The following STK40 variants were observed in gnomAD, a reference collection of about 807,000 sequenced individuals.
The protein encoded by STK40 is serine/threonine kinase 40, also known as serine/threonine-protein kinase 40.
A neutral mutation model predicts 47.9 loss-of-function variants in STK40; 13 were observed. The ratio of observed to expected loss-of-function variants is 0.27; its 90% CI spans 0.18 to 0.43. The LOEUF is 0.43. STK40 is among the 20% of genes least tolerant of loss of function. The pLI is 1.00. For missense variants in STK40, 460 were observed against 595.1 expected, an observed-to-expected ratio of 0.77 and a Z score of 2.36; for synonymous variants, 225 against 243.2, an observed-to-expected ratio of 0.93 and a Z score of 0.69.
chr1:36,348,589 A>G (rs1646724453), intron 7 of STK40, 111 bp downstream of exon 7: 1 of 913,518 alleles, frequency 1.1e-6, no homozygotes, highest in Admixed American at 2.0e-5. Context: ...CTGGGCCCCC[A>G]GTGAAGCCCC....
chr1:36,354,481 T>C, intron 5 of STK40, 65 bp from the exon 6 acceptor site: 4 of 1,546,280 alleles, frequency 2.6e-6, no homozygotes, highest in Non-Finnish European at 3.6e-6. Flanking sequence ...GCCCACCCTG[T>C]AAGATGGGGG....
chr1:36,363,677 T>TG (rs992927708), intron 1 of STK40, among the ~76,000 whole-genome samples: 29 of 149,738 alleles, frequency 1.9e-4, no homozygotes, highest in African/African-American at 6.6e-4. Context: ...TAGCTGAGCA[T>TG]GGTGGCGGGC....
intron 1 of STK40, among the ~76,000 whole-genome samples, chr1:36,371,647 T>C (rs1204118159): frequency 7.2e-6 from 1 of 139,646 alleles, no homozygotes; most frequent in Non-Finnish European, 1.5e-5. Context: ...ATCCTGCCAC[T>C]GTACTCCAGC....
rs1646628256 is a variant in STK40, at chr1:36,339,747, A to AGT, written c.*2006_*2007dup. ...GTTTCTTTACAATAGGACTTCTCTCAGTGTGTGACACCCAGTGAGGGCTGA... is the reference window on the plus strand; with the variant it reads ...GTTTCTTTACAATAGGACTTCTCTCAGTGTGTGTGACACCCAGTGAGGGCTGA... On this transcript the variant is annotated 3_prime_UTR_variant, in exon 11 of 11. Transcript: ENST00000373132. The AGT allele has an allele frequency of 6.5e-6, 1 of 152,706 alleles. No homozygotes were observed. Among genetic ancestry groups the AGT allele is most frequent in the African/African-American group, 2.4e-5 (1 of 41,452 alleles). 9.5% of individuals were successfully genotyped at this position (152,706 alleles called of 1,614,324 possible).
In STK40 at chr1:36,340,497, G is replaced by A. The variant is rs1478911530; in HGVS notation, c.*1258C>T. 6.5e-6 allele frequency: 1 copy of A among 152,806 alleles called. No homozygotes were observed. The highest frequency in any genetic ancestry group is 2.4e-5 in the African/African-American group (1 of 41,434). The allele number at this position is 152,806 out of a possible 1,614,324, so 9.5% of individuals were successfully genotyped here. A position where few individuals can be genotyped will look rare whatever the true frequency, so the allele number is the denominator to read the frequency against. On this transcript the variant is annotated 3_prime_UTR_variant, in exon 11 of 11. Coordinates refer to ENST00000373132, the MANE Select transcript of STK40 (RefSeq NM_001282547.2). ...ACACTCAGCCTCTCTGAGGACATAT[G>A]GGGGGTAGGCCTCTGGGGAAGGGTC...
rs769498166 is a variant in STK40, at chr1:36,347,366, G to A, written c.739+1334C>T. 9.1e-4 allele frequency among the ~76,000 whole-genome samples: 139 copies of A among 152,228 alleles called. 1 individual carries two copies. Among genetic ancestry groups the A allele is most frequent in the Non-Finnish European group, 1.7e-3 (115 of 68,014 alleles). On this transcript the variant is annotated intron_variant, in intron 7 of 10. Transcript: ENST00000373132. ...TTGGGCCAAGGACAAGGGGGAAAGA[G>A]AAAGCAACAGAGTCGACAGTGAAAG... is the stretch of plus-strand genomic sequence containing the variant.
chr1:36,351,775 A>T (rs543127092), intron 6 of STK40, among the ~76,000 whole-genome samples: 1 of 152,316 alleles, frequency 6.6e-6, no homozygotes, highest in East Asian at 1.9e-4. Flanking sequence ...AGTTGGAAGC[A>T]AATCCCCCAG....
At chr1:36,363,266 T>A (rs1166460914) in intron 1 of STK40, among the ~76,000 whole-genome samples, 2 of 151,984 alleles carry the variant, frequency 1.3e-5, no homozygotes, top group Non-Finnish European at 2.9e-5. Flanking sequence ...GGCGCCATTG[T>A]ACTCCAGCCT....
chr1:36,358,183 C>A, intron 4 of STK40, 56 bp downstream of exon 4: 1 of 1,485,140 alleles, frequency 6.7e-7, no homozygotes. Flanking sequence ...CAGCAAGTGG[C>A]AGCCCACAGA....
chr1:36,382,712 G>A (rs1410246011), intron 1 of STK40, among the ~76,000 whole-genome samples: 3 of 152,148 alleles, frequency 2.0e-5, no homozygotes, highest in Non-Finnish European at 4.4e-5. Context: ...ATGAATTGCT[G>A]CAACTAATTC....
rs988168984 is a variant in STK40, at chr1:36,340,568, G to A, written c.*1187C>T. The A allele has an allele frequency of 5.9e-5, 9 of 152,802 alleles. No homozygotes were observed. The highest frequency in any genetic ancestry group is 2.2e-4 in the African/African-American group (9 of 41,432). 9.5% of individuals were successfully genotyped at this position (152,802 alleles called of 1,614,324 possible). ...GCCAAGTCCAGTAAGGGCAAGGGGA[G>A]GGGGCATTCTGGTGAGAACAGCATT... On this transcript the variant is annotated 3_prime_UTR_variant, in exon 11 of 11. Coordinates refer to ENST00000373132, the MANE Select transcript of STK40 (RefSeq NM_001282547.2).
chr1:36,366,258 G>A (rs947823286), intron 1 of STK40, among the ~76,000 whole-genome samples: 2 of 152,084 alleles, frequency 1.3e-5, no homozygotes, highest in African/African-American at 4.8e-5. Flanking sequence ...AGCCTGACCC[G>A]CCCCTCCCCC....
At chr1:36,372,570 C>T (rs1646959060) in intron 1 of STK40, 1 of 152,108 alleles carries the variant, frequency 6.6e-6, no homozygotes, top group Admixed American at 6.6e-5. Flanking sequence ...ATTCTTTTTC[C>T]CTGACTGCAC....
At chr1:36,344,548 A>C (rs955964466) in intron 7 of STK40, among the ~76,000 whole-genome samples, 1 of 152,220 alleles carries the variant, frequency 6.6e-6, no homozygotes, top group Non-Finnish European at 1.5e-5. Flanking sequence ...AGCACCCAGC[A>C]CAGCAGCTCA....
intron 6 of STK40, among the ~76,000 whole-genome samples, chr1:36,349,603 C>T (rs1232653658): frequency 1.3e-5 from 2 of 152,224 alleles, no homozygotes; most frequent in African/African-American, 4.8e-5. Context: ...CTGACTCATC[C>T]CTTACCTCGT....
At position 36,358,276 on chromosome 1, in the gene STK40, G is replaced by A. The variant is rs373166224; in HGVS notation, c.305C>T (p.Thr102Met). The change falls in exon 4 of 11, where the codon ACG (threonine) becomes ATG (methionine). Residue 102 changes from threonine to methionine, a missense_variant. Thr to Met is a moderately conservative substitution (Grantham distance 81). This residue lies in a region of STK40 where 277 missense variants were observed against 358.7 expected (regional missense o/e 0.77). Transcript: ENST00000373132. ...GTGGTGGTGCACCACGCCATCCTGC[G>A]TGTGCAGGAGAGACAGCAGTGAGTA... ...TEYSLLSLLH[T>M]QDGVVHHHGL... 158 of 1,602,016 alleles carry A rather than the reference G, an allele frequency of 9.9e-5. 1 individual carries two copies. The highest frequency in any genetic ancestry group is 5.1e-4 in the African/African-American group (38 of 74,824).
At chr1:36,371,320 T>C (rs1221041719) in intron 1 of STK40, among the ~76,000 whole-genome samples, 2 of 151,228 alleles carry the variant, frequency 1.3e-5, no homozygotes, top group Admixed American at 6.6e-5. Flanking sequence ...TTTGGGAGGC[T>C]GAGGCGGGTG....
At chr1:36,385,221 GT>G (rs564546778) in intron 1 of STK40, among the ~76,000 whole-genome samples, 270 of 152,346 alleles carry the variant, frequency 1.8e-3, no homozygotes, top group Non-Finnish European at 2.9e-3. Context: ...GCAGGTAGCT[GT>G]GACTCGTACC....
chr1:36,363,384 C>G (rs904380831), intron 1 of STK40, among the ~76,000 whole-genome samples: 1 of 152,030 alleles, frequency 6.6e-6, no homozygotes, highest in Non-Finnish European at 1.5e-5. Flanking sequence ...AAACAAAAAC[C>G]CATTAACATC....
Sources: allele counts gnomAD v4.1 joint callset (sites outside exome capture counted in the v4.1 genomes callset), GRCh38; gene constraint gnomAD v4.1.1; regional missense constraint gnomAD v4.1.1; transcripts MANE v1.5; gene names NCBI Gene and HGNC (gene_info 2026-07-23, HGNC 2026-07-21).